Variants in PTPRN2 observed in about 807,000 individuals in gnomAD.
The protein encoded by PTPRN2 is protein tyrosine phosphatase receptor type N2.
In PTPRN2, 74 loss-of-function variants were observed where a neutral mutation model predicts 118.8. The ratio of observed to expected loss-of-function variants is 0.62; its 90% CI spans 0.52 to 0.76. The LOEUF (loss-of-function observed/expected upper bound fraction) is 0.76. Ranked by LOEUF, PTPRN2 falls within the 30% of genes least tolerant of loss-of-function variation. PTPRN2 has a pLI of 0.00. For synonymous variants in PTPRN2, 641 were observed against 608.0 expected, an observed-to-expected ratio of 1.05 and a Z score of -0.80; for missense variants, 1,481 against 1,394.4, an observed-to-expected ratio of 1.06 and a Z score of -0.99.
chr7:158,319,292 T>C (rs1415352769), intron 2 of PTPRN2, among the ~76,000 whole-genome samples: 5 of 61,316 alleles, frequency 8.2e-5, no homozygotes, highest in Non-Finnish European at 1.8e-4. Flanking sequence ...CCCAGTGCAT[T>C]GTTAATAGAC....
At chr7:157,898,817 A>G in intron 11 of PTPRN2, 80 bp from the exon 12 acceptor site, 1 of 1,306,912 alleles carries the variant, frequency 7.7e-7, no homozygotes, top group Non-Finnish European at 1.1e-6. Context: ...ATTTTCCTCC[A>G]TTGAAAATTT....
chr7:158,502,723 C>G (rs1377635266), intron 1 of PTPRN2, among the ~76,000 whole-genome samples: 1 of 152,258 alleles, frequency 6.6e-6, no homozygotes, highest in Non-Finnish European at 1.5e-5. Flanking sequence ...AGATTCTTTT[C>G]TTGTCAAATT....
At chr7:157,742,604 C>G (rs545714547) in intron 12 of PTPRN2, among the ~76,000 whole-genome samples, 2 of 152,068 alleles carry the variant, frequency 1.3e-5, no homozygotes, top group Admixed American at 1.3e-4. Flanking sequence ...GTGTACCCCA[C>G]GAGGGTGAGA....
rs1401781228 is a variant in PTPRN2, at chr7:158,148,417, C to A, written c.911-9902G>T. 1.4e-4 allele frequency among the ~76,000 whole-genome samples: 19 copies of A among 135,938 alleles called. No individual in the cohort carries two copies. The East Asian group carries it at 2.0e-3, about 15-fold the overall frequency. 89.2% of individuals were successfully genotyped at this position (135,938 alleles called of 152,430 possible). A position where few individuals can be genotyped will look rare whatever the true frequency, so the allele number is the denominator to read the frequency against. ...CCCTCAATGACACCCCATCTCACGC[C>A]ACGTGTCTTTCCCCTTCAATGACAC... On this transcript the variant is annotated intron_variant, in intron 6 of 22. Coordinates refer to ENST00000389418, the MANE Select transcript of PTPRN2 (RefSeq NM_002847.5).
intron 12 of PTPRN2, among the ~76,000 whole-genome samples, chr7:157,847,941 C>T (rs1207330253): frequency 2.0e-5 from 3 of 151,184 alleles, no homozygotes; most frequent in Non-Finnish European, 4.4e-5. Context: ...GTCTACAGAG[C>T]CCTCTCTCAC....
At chr7:158,387,609 G>C in intron 2 of PTPRN2, among the ~76,000 whole-genome samples, 1 of 778 alleles carries the variant, frequency 1.3e-3, no homozygotes, top group African/African-American at 2.5e-3. Context: ...GGATGCAGCT[G>C]AAGGCGGAGA....
At position 158,341,370 on chromosome 7, in the gene PTPRN2, G is replaced by A. The variant is rs577960524; in HGVS notation, c.164-24438C>T. Among the ~76,000 whole-genome samples, 245 of 142,040 alleles carry A rather than the reference G, an allele frequency of 1.7e-3. 5 individuals carry two copies. Among genetic ancestry groups the A allele is most frequent in the African/African-American group, 5.8e-3 (209 of 35,870 alleles). 93.2% of individuals were successfully genotyped at this position (142,040 alleles called of 152,430 possible). A position where few individuals can be genotyped will look rare whatever the true frequency, so the allele number is the denominator to read the frequency against. ...ACCATAAGAGGTAACACATGCAGAC[G>A]TCACTCACACCCACACTCTCACCAT... On this transcript the variant is annotated intron_variant, in intron 2 of 22. Transcript: ENST00000389418.
chr7:157,771,961 C>G (rs1802859302), intron 12 of PTPRN2, among the ~76,000 whole-genome samples: 1 of 147,244 alleles, frequency 6.8e-6, no homozygotes, highest in Admixed American at 6.7e-5. Flanking sequence ...CACATACAGA[C>G]AGACACACAC....
chr7:158,216,458 A>G (rs1378396422), intron 3 of PTPRN2, among the ~76,000 whole-genome samples: 1 of 152,084 alleles, frequency 6.6e-6, no homozygotes, highest in Non-Finnish European at 1.5e-5. Flanking sequence ...TCAACTATAC[A>G]CTATATGAAG....
intron 12 of PTPRN2, among the ~76,000 whole-genome samples, chr7:157,720,876 C>T (rs1414570015): frequency 2.0e-5 from 3 of 152,218 alleles, no homozygotes; most frequent in East Asian, 1.9e-4. Flanking sequence ...TCTAGCTCTC[C>T]TAAAACACGG....
At chr7:158,250,538 C>T (rs1019533360) in intron 3 of PTPRN2, among the ~76,000 whole-genome samples, 1 of 152,104 alleles carries the variant, frequency 6.6e-6, no homozygotes, top group Non-Finnish European at 1.5e-5. Context: ...TGTACACACA[C>T]ATTCCATACA....
chr7:158,397,954 G>A (rs112526685), intron 2 of PTPRN2, among the ~76,000 whole-genome samples: 3,529 of 152,232 alleles, frequency 0.023, 150 homozygotes, highest in African/African-American at 0.08. Context: ...CAAGGAGTAG[G>A]AACCGGAGGG....
At chr7:158,389,618 T>C (rs905775545) in intron 2 of PTPRN2, among the ~76,000 whole-genome samples, 1 of 152,230 alleles carries the variant, frequency 6.6e-6, no homozygotes, top group African/African-American at 2.4e-5. Context: ...GAAAGGTACA[T>C]TTGCAATAAC....
intron 3 of PTPRN2, among the ~76,000 whole-genome samples, chr7:158,277,633 G>C (rs1274718829): frequency 6.6e-6 from 1 of 152,194 alleles, no homozygotes; most frequent in Non-Finnish European, 1.5e-5. Context: ...GCTGCACGAG[G>C]TGCACACGCA....
intron 2 of PTPRN2, among the ~76,000 whole-genome samples, chr7:158,443,291 C>A (rs768961239): frequency 6.6e-6 from 1 of 152,218 alleles, no homozygotes; most frequent in African/African-American, 2.4e-5. Flanking sequence ...GGCTTCTCCC[C>A]GAAGGCACAG....
chr7:158,040,711 T>C (rs1056054255), intron 11 of PTPRN2, among the ~76,000 whole-genome samples: 1 of 151,586 alleles, frequency 6.6e-6, no homozygotes, highest in African/African-American at 2.4e-5. Context: ...TTGTCAGCAG[T>C]TGATCTGCCT....
At chr7:157,548,578 C>G (rs576222452) in intron 22 of PTPRN2, among the ~76,000 whole-genome samples, 1 of 152,244 alleles carries the variant, frequency 6.6e-6, no homozygotes, top group Admixed American at 6.5e-5. Context: ...CCCGGAGAGG[C>G]CGGGCAGCGC....
intron 2 of PTPRN2, among the ~76,000 whole-genome samples, chr7:158,407,235 GGTCCTGGGTCCTGC>G (rs1813601463): frequency 2.0e-4 from 8 of 39,266 alleles, no homozygotes; most frequent in Admixed American, 1.6e-3. Context: ...CTGGGTCCTG[GGTCCTGGGTCCTGC>G]GTCCTGGGTC....
intron 1 of PTPRN2, chr7:158,541,338 C>T: frequency 4.2e-6 from 4 of 956,580 alleles, no homozygotes; most frequent in South Asian, 1.5e-5. Flanking sequence ...TGAGTTTTGA[C>T]CTGTCCTGAG....
Sources: gnomAD v4.1 joint callset for allele counts (sites outside exome capture counted in the v4.1 genomes callset) on GRCh38, gnomAD v4.1.1 for gene constraint, MANE v1.5 for transcripts, NCBI Gene and HGNC (gene_info 2026-07-23, HGNC 2026-07-21) for gene names.